The following SORCS3 variants were observed in gnomAD, a reference collection of about 807,000 sequenced individuals.
SORCS3 encodes sortilin related VPS10 domain containing receptor 3, also known as VPS10 domain-containing receptor SorCS3.
SORCS3 carries 57 observed loss-of-function variants against 146.3 expected under a neutral mutation model. The observed-to-expected ratio is 0.39, with a 90% CI of 0.31 to 0.49. SORCS3 has a LOEUF of 0.49. Among genes scored for constraint, SORCS3 ranks in the 20% least tolerant of loss-of-function variants. SORCS3 has a pLI of 0.92. For synonymous variants in SORCS3, 653 were observed against 618.5 expected (o/e 1.06, Z -0.83); for missense variants, 1,341 against 1,575.5 (o/e 0.85, Z 2.52).
chr10:105,090,268 C>T (rs546187078), intron 6 of SORCS3, among the ~76,000 whole-genome samples: 3 of 152,166 alleles, frequency 2.0e-5, no homozygotes, highest in Non-Finnish European at 4.4e-5. Flanking sequence ...TTCATCCATT[C>T]GAGATATTTA....
At chr10:104,992,199 G>A (rs972260590) in intron 4 of SORCS3, among the ~76,000 whole-genome samples, 3 of 152,120 alleles carry the variant, frequency 2.0e-5, no homozygotes, top group Non-Finnish European at 2.9e-5. Context: ...CATGTGAGAG[G>A]CCCTGAGCCT....
At chr10:105,252,654 C>T in intron 22 of SORCS3, 121 bp from the exon 23 acceptor site, 2 of 1,202,244 alleles carry the variant, frequency 1.7e-6, no homozygotes, top group Non-Finnish European at 2.4e-6. Flanking sequence ...GGAGCCTGTG[C>T]CTAAAAAGCT....
chr10:104,956,287 G>A (rs1377958681), intron 3 of SORCS3, among the ~76,000 whole-genome samples: 1 of 152,128 alleles, frequency 6.6e-6, no homozygotes, highest in Non-Finnish European at 1.5e-5. Flanking sequence ...ATGGATTACT[G>A]TCCCACTCTT....
At chr10:105,210,855 G>A (rs772524370) in intron 16 of SORCS3, among the ~76,000 whole-genome samples, 34 of 152,142 alleles carry the variant, frequency 2.2e-4, no homozygotes, top group Non-Finnish European at 4.7e-4. Context: ...CCAAGCCAAT[G>A]TACCTGCCAC....
intron 1 of SORCS3, among the ~76,000 whole-genome samples, chr10:104,784,925 C>T (rs975860129): frequency 6.6e-6 from 1 of 152,196 alleles, no homozygotes; most frequent in African/African-American, 2.4e-5. Flanking sequence ...ACAAAGCCGC[C>T]ATTGTCATCC....
intron 3 of SORCS3, among the ~76,000 whole-genome samples, chr10:104,973,972 G>A (rs1362310644): frequency 6.6e-6 from 1 of 152,090 alleles, no homozygotes; most frequent in Non-Finnish European, 1.5e-5. Context: ...TCATTCAGGA[G>A]CAGGTTGTTC....
chr10:104,833,265 C>A (rs942440223), intron 1 of SORCS3, among the ~76,000 whole-genome samples: 2 of 152,184 alleles, frequency 1.3e-5, no homozygotes, highest in Non-Finnish European at 2.9e-5. Flanking sequence ...AAGAAATTGC[C>A]TTCTCTGAGA....
At chr10:104,932,568 C>T (rs911911702) in intron 3 of SORCS3, among the ~76,000 whole-genome samples, 8 of 152,198 alleles carry the variant, frequency 5.3e-5, no homozygotes, top group Non-Finnish European at 8.8e-5. Flanking sequence ...AGAACATCTA[C>T]CTCATTAGTC....
intron 4 of SORCS3, among the ~76,000 whole-genome samples, chr10:105,012,711 A>G (rs957540867): frequency 1.3e-5 from 2 of 152,190 alleles, no homozygotes; most frequent in Admixed American, 1.3e-4. Flanking sequence ...TAAGTAAATT[A>G]TCATCTCAAG....
At chr10:105,235,804 G>A (rs1464015438) in intron 20 of SORCS3, among the ~76,000 whole-genome samples, 1 of 151,994 alleles carries the variant, frequency 6.6e-6, no homozygotes, top group African/African-American at 2.4e-5. Flanking sequence ...AGTTGTGTGA[G>A]AGCTTGATAA....
chr10:104,780,613 C>G (rs1216895039), intron 1 of SORCS3, among the ~76,000 whole-genome samples: 1 of 152,146 alleles, frequency 6.6e-6, no homozygotes, highest in African/African-American at 2.4e-5. Context: ...AGCAGATGCT[C>G]CTTTTGTGAG....
chr10:105,158,596 A>G (rs2056232458), intron 10 of SORCS3, among the ~76,000 whole-genome samples: 1 of 151,982 alleles, frequency 6.6e-6, no homozygotes, highest in Admixed American at 6.6e-5. Flanking sequence ...GAGGCTTCAT[A>G]AAGCCAGCCA....
intron 13 of SORCS3, among the ~76,000 whole-genome samples, chr10:105,171,124 A>C (rs978650365): frequency 6.6e-6 from 1 of 152,182 alleles, no homozygotes; most frequent in African/African-American, 2.4e-5. Context: ...TAATAGCTAC[A>C]TCACCTTTAA....
At chr10:104,721,606 T>C (rs1039502099) in intron 1 of SORCS3, among the ~76,000 whole-genome samples, 4 of 152,208 alleles carry the variant, frequency 2.6e-5, no homozygotes, top group African/African-American at 7.2e-5. Context: ...TTCCTACCCA[T>C]GAGCATGGAA....
intron 7 of SORCS3, among the ~76,000 whole-genome samples, chr10:105,107,188 G>A (rs2055828216): frequency 6.6e-6 from 1 of 152,088 alleles, no homozygotes; most frequent in South Asian, 2.1e-4. Context: ...GTCAGTCTGT[G>A]TTGCCAAATT....
chr10:105,157,356 G>A, intron 10 of SORCS3, 72 bp downstream of exon 10: 1 of 1,579,030 alleles, frequency 6.3e-7, no homozygotes, highest in Non-Finnish European at 8.6e-7. Flanking sequence ...CGAGGGCTTT[G>A]TTTCGTCAAA....
At chr10:104,880,523 A>C (rs1174562833) in intron 2 of SORCS3, among the ~76,000 whole-genome samples, 2 of 152,200 alleles carry the variant, frequency 1.3e-5, no homozygotes, top group Non-Finnish European at 2.9e-5. Context: ...TTATAGGATT[A>C]AAAGTCTGCT....
chr10:104,813,047 A>G (rs972868233), intron 1 of SORCS3, among the ~76,000 whole-genome samples: 1 of 152,204 alleles, frequency 6.6e-6, no homozygotes, highest in Non-Finnish European at 1.5e-5. Context: ...TTCTTACTCC[A>G]TGGCCTACTG....
At chr10:104,976,985 A>G (rs553647423) in intron 3 of SORCS3, among the ~76,000 whole-genome samples, 5 of 152,176 alleles carry the variant, frequency 3.3e-5, no homozygotes, top group African/African-American at 9.6e-5. Flanking sequence ...GGTGCAGCAC[A>G]CCAGCATGGC....
Sources: gnomAD v4.1 joint callset for allele counts (sites outside exome capture counted in the v4.1 genomes callset) on GRCh38, gnomAD v4.1.1 for gene constraint, MANE v1.5 for transcripts, NCBI Gene and HGNC (gene_info 2026-07-23, HGNC 2026-07-21) for gene names.